ADGRG4: variants seen among roughly 807,000 people sequenced by gnomAD.
The protein encoded by ADGRG4 is adhesion G protein-coupled receptor G4.
Under a neutral mutation model 126.2 loss-of-function variants are expected in ADGRG4, and 122 were observed. The observed-to-expected ratio is 0.97, with a 90% CI of 0.83 to 1.12. The LOEUF is 1.12. Ranked by LOEUF, ADGRG4 falls within the 50% of genes most tolerant of loss-of-function variation. ADGRG4 has a pLI of 0.00. For synonymous variants in ADGRG4, 943 were observed against 838.7 expected, an observed-to-expected ratio of 1.12 and a Z score of -2.15; for missense variants, 2,481 against 2,251.8, an observed-to-expected ratio of 1.10 and a Z score of -2.06.
Position 136,348,761 on chromosome X carries a change from T to G in ADGRG4, c.5055T>G (p.Thr1685=), listed in dbSNP as rs758951408. The change falls in exon 6 of 26, where the codon ACT becomes ACG. Residue 1685 remains threonine (T), a synonymous_variant. Transcript: ENST00000394143. ...TCTCTCCACTCAGTTCTAAGAGCAC[T>G]GGAGCTATTTCCTCCATTCCAAAGA... The part of the protein sequence containing the change: ...TAFSPLSSKS[T]GAISSIPKTT... The G allele has an allele frequency of 5.0e-6, 6 of 1,206,725 alleles. No homozygotes were observed. In the South Asian group the frequency reaches 5.3e-5, roughly 11 times the overall value.
At chrX:136,321,665 G>T (rs181966097) in intron 4 of ADGRG4, among the ~76,000 whole-genome samples, 1 of 111,706 alleles carries the variant, frequency 9.0e-6, no homozygotes, top group African/African-American at 3.3e-5. Flanking sequence ...TATTTACCTA[G>T]TAGACTGGGG....
chrX:136,348,010 C>A lies in ADGRG4; in HGVS notation c.4304C>A (p.Thr1435Asn), dbSNP rs2075031203. 1 of 1,210,614 alleles carries A rather than the reference C, an allele frequency of 8.3e-7. No homozygotes were observed. ...RISNPMDINT[T>N]FSHLHSLRTQ... ...TCAAATCCTATGGACATCAATACAA[C>A]TTTTTCACACTTGCATTCACTTAGG... is the stretch of plus-strand genomic sequence containing the variant. Residue 1435 changes from threonine (T) to asparagine (N), a missense_variant, in exon 6 of 26, where the codon ACT (threonine) becomes AAT (asparagine). By Grantham distance (65) the Thr-to-Asn change is moderately conservative. Coordinates refer to ENST00000394143, the MANE Select transcript of ADGRG4 (RefSeq NM_153834.4).
intron 13 of ADGRG4, among the ~76,000 whole-genome samples, chrX:136,364,993 C>T (rs953768805): frequency 9.0e-6 from 1 of 111,452 alleles, no homozygotes; most frequent in Non-Finnish European, 1.9e-5. Context: ...ATTTAGATTC[C>T]CACTTGCAAA....
chrX:136,342,080 C>T (rs1009595585), intron 5 of ADGRG4, among the ~76,000 whole-genome samples: 2 of 111,840 alleles, frequency 1.8e-5, no homozygotes, highest in African/African-American at 6.5e-5. Context: ...CACTTATCCA[C>T]GTCTGAACTG....
rs149210255 is a variant in ADGRG4, at chrX:136,348,993, T to G, written c.5287T>G (p.Phe1763Val). The G allele has an allele frequency of 8.3e-6, 10 of 1,206,781 alleles. No individual in the cohort carries two copies. In the African/African-American group the frequency reaches 1.4e-4, roughly 17 times the overall value. Residue 1763 changes from phenylalanine (F) to valine (V), a missense_variant, in exon 6 of 26, where the codon TTC becomes GTC. Physicochemically the swap from Phe to Val is conservative, Grantham distance 50. Transcript: ENST00000394143. ...TCATGCAGATAGTCTCCATACTTCC[T>G]TCAATATTCAGGTTTCCCCATCTCT... ...PTHADSLHTS[F>V]NIQVSPSLTS...
At chrX:136,302,433 T>C (rs1348210168) in intron 1 of ADGRG4, among the ~76,000 whole-genome samples, 2 of 112,112 alleles carry the variant, frequency 1.8e-5, no homozygotes, top group Non-Finnish European at 3.8e-5. Context: ...ACAAAATCAA[T>C]GTGCAAAAAT....
intron 17 of ADGRG4, 26 bp downstream of exon 17, chrX:136,392,380 A>T: frequency 8.9e-7 from 1 of 1,124,651 alleles, no homozygotes; most frequent in Non-Finnish European, 1.2e-6. Flanking sequence ...TCAGCTCAGA[A>T]TCAAATGGCC....
intron 15 of ADGRG4, among the ~76,000 whole-genome samples, chrX:136,377,430 G>A (rs1019261147): frequency 9.0e-6 from 1 of 110,498 alleles, no homozygotes; most frequent in African/African-American, 3.3e-5. Context: ...CTGGGCTCAG[G>A]CAATCCTCCC....
At chrX:136,365,312 C>CACT (rs974910545) in intron 13 of ADGRG4, among the ~76,000 whole-genome samples, 6 of 111,349 alleles carry the variant, frequency 5.4e-5, no homozygotes, top group Admixed American at 9.6e-5. Context: ...TCCTGGCAAC[C>CACT]ACTAATCTAC....
intron 4 of ADGRG4, among the ~76,000 whole-genome samples, chrX:136,310,847 T>G (rs1486486365): frequency 9.0e-6 from 1 of 111,559 alleles, no homozygotes; most frequent in Non-Finnish European, 1.9e-5. Flanking sequence ...AAGGCATAAA[T>G]GAGAGAAGAG....
chrX:136,317,894 A>G (rs1478307748), intron 4 of ADGRG4, among the ~76,000 whole-genome samples: 1 of 112,276 alleles, frequency 8.9e-6, no homozygotes, highest in Non-Finnish European at 1.9e-5. Context: ...GAAAACAACA[A>G]GTGTTGGCTA....
intron 3 of ADGRG4, among the ~76,000 whole-genome samples, chrX:136,306,348 A>G (rs1265084678): frequency 9.1e-6 from 1 of 109,995 alleles, no homozygotes; most frequent in Non-Finnish European, 1.9e-5. Context: ...TTTAATCCTC[A>G]CCCTTTCTTT....
chrX:136,315,344 G>A (rs1049600977), intron 4 of ADGRG4, among the ~76,000 whole-genome samples: 3 of 110,534 alleles, frequency 2.7e-5, no homozygotes, highest in South Asian at 3.9e-4. Flanking sequence ...GCTCCAGAAC[G>A]TTGAATTCCA....
At position 136,357,557 on chromosome X, in the gene ADGRG4, T is replaced by C; in HGVS notation, c.6928-147T>C. On this transcript the variant is annotated intron_variant, in intron 9 of 25. Coordinates refer to ENST00000394143, the MANE Select transcript of ADGRG4 (RefSeq NM_153834.4). Reference sequence around the variant, plus strand: ...GGGTTGGTGTGAGGAGTAAATGCATTGATGTTTTTGAGGGTAGTTTGCAGA... The same window carrying C: ...GGGTTGGTGTGAGGAGTAAATGCATCGATGTTTTTGAGGGTAGTTTGCAGA... The C allele has an allele frequency of 9.4e-6, 4 of 426,947 alleles. No individual in the cohort carries two copies. The South Asian group carries it at 1.4e-4, about 15-fold the overall frequency. The allele number at this position is 426,947 out of a possible 1,213,427, so 35.2% of individuals were successfully genotyped here.
intron 4 of ADGRG4, 100 bp from the exon 5 acceptor site, chrX:136,322,678 A>G (rs747325334): frequency 2.8e-6 from 2 of 716,195 alleles, no homozygotes; most frequent in African/African-American, 4.3e-5. Flanking sequence ...TCATAATTAT[A>G]TTGTATAACC....
intron 13 of ADGRG4, among the ~76,000 whole-genome samples, chrX:136,365,288 T>TC (rs1179153548): frequency 9.0e-6 from 1 of 111,101 alleles, no homozygotes; most frequent in Admixed American, 9.6e-5. Context: ...TCTCCATTCC[T>TC]CCCCCACCCC....
At chrX:136,411,155 C>T (rs766303792) in intron 23 of ADGRG4, among the ~76,000 whole-genome samples, 4 of 111,223 alleles carry the variant, frequency 3.6e-5, no homozygotes, top group Non-Finnish European at 5.7e-5. Context: ...CTCCTGGGTT[C>T]AAGTGATTCT....
chrX:136,356,205 C>T (rs777998491), intron 9 of ADGRG4, 40 bp downstream of exon 9: 14 of 959,930 alleles, frequency 1.5e-5, no homozygotes, highest in Middle Eastern at 5.6e-4. Context: ...GTGACCTATC[C>T]TATGCCTGAT....
rs776218868 is a variant in ADGRG4, at chrX:136,357,744, A to G, written c.6968A>G (p.Tyr2323Cys). ...GGACAAGAAATGGCTACAATTTCCT[A>G]TGTACCATACAGGTAGGAAGTAGGA... ...REGQEMATIS[Y>C]VPYSCVCQVI... The change falls in exon 10 of 26, where the codon TAT becomes TGT. Residue 2323 changes from tyrosine (Y) to cysteine (C), a missense_variant. Physicochemically the swap from Tyr to Cys is radical, Grantham distance 194. Coordinates refer to ENST00000394143, the MANE Select transcript of ADGRG4 (RefSeq NM_153834.4). 2.6e-6 allele frequency: 3 copies of G among 1,172,319 alleles called. No individual in the cohort carries two copies. Among genetic ancestry groups the G allele is most frequent in the Admixed American group, 4.4e-5 (2 of 45,464 alleles).
Sources: allele counts gnomAD v4.1 joint callset (sites outside exome capture counted in the v4.1 genomes callset), GRCh38; gene constraint gnomAD v4.1.1; transcripts MANE v1.5; gene names NCBI Gene and HGNC (gene_info 2026-07-23, HGNC 2026-07-21).